Variants in PLEKHA8 observed in about 807,000 individuals in gnomAD.
The protein encoded by PLEKHA8 is pleckstrin homology domain containing A8, also known as pleckstrin homology domain-containing family A member 8.
PLEKHA8 carries 36 observed loss-of-function variants against 68.2 expected under a neutral mutation model. That is an observed-to-expected ratio of 0.53 (90% CI 0.40 to 0.70). The LOEUF (loss-of-function observed/expected upper bound fraction) is 0.70. Among genes scored for constraint, PLEKHA8 ranks in the 30% least tolerant of loss-of-function variants. PLEKHA8 has a pLI of 0.00. For synonymous variants in PLEKHA8, 211 were observed against 216.1 expected, an observed-to-expected ratio of 0.98 and a Z score of 0.20; for missense variants, 505 against 615.4, an observed-to-expected ratio of 0.82 and a Z score of 1.90.
At chr7:30,084,993 G>A (rs1795122536), downstream of PLEKHA8, among the ~76,000 whole-genome samples, 1 of 149,938 alleles carries the variant, frequency 6.7e-6, no homozygotes. Context: ...TGCCCAGGCT[G>A]GAGTGCAATG....
At position 30,041,814 on chromosome 7, in the gene PLEKHA8, G is replaced by C. The variant is rs77871572; in HGVS notation, c.41-3271G>C. Among the ~76,000 whole-genome samples, 8 of 152,072 alleles carry C rather than the reference G, an allele frequency of 5.3e-5. No homozygotes were observed. The East Asian group carries it at 1.5e-3, about 29-fold the overall frequency. ...TTTAGTACATTTTTTTCAGTTTTAG[G>C]ACACTCTTTTTTTTTCACATTTCAA... On this transcript the variant is annotated intron_variant, in intron 1 of 13. Transcript: ENST00000449726.
chr7:30,061,740 A>G (rs1699632392), intron 10 of PLEKHA8, among the ~76,000 whole-genome samples, 157 bp from the exon 11 acceptor site: 1 of 152,224 alleles, frequency 6.6e-6, no homozygotes, highest in Non-Finnish European at 1.5e-5. Flanking sequence ...ATTCTCCAAA[A>G]CAAATACTAT....
At chr7:30,072,747 G>A (rs1794331239) in intron 12 of PLEKHA8, among the ~76,000 whole-genome samples, 1 of 152,180 alleles carries the variant, frequency 6.6e-6, no homozygotes, top group Non-Finnish European at 1.5e-5. Context: ...ACTTGTGCTG[G>A]TGCTAAAACT....
At chr7:30,048,621 G>A (rs1370421769) in intron 4 of PLEKHA8, among the ~76,000 whole-genome samples, 1 of 152,210 alleles carries the variant, frequency 6.6e-6, no homozygotes, top group Non-Finnish European at 1.5e-5. Flanking sequence ...ATTAACCAGA[G>A]TCTCTGCTCT....
intron 13 of PLEKHA8, among the ~76,000 whole-genome samples, chr7:30,115,672 A>G (rs571641903): frequency 2.0e-5 from 3 of 151,500 alleles, no homozygotes; most frequent in South Asian, 2.1e-4. Context: ...ATACGTGTAT[A>G]CATACGCACA....
At chr7:30,074,593 G>T (rs1583436005) in intron 13 of PLEKHA8, among the ~76,000 whole-genome samples, 2 of 151,262 alleles carry the variant, frequency 1.3e-5, no homozygotes, top group East Asian at 3.9e-4. Context: ...GAAGGGAAAT[G>T]ATGCATTCAG....
At chr7:30,129,675 T>C (rs745306321), downstream of PLEKHA8, 45 of 239,076 alleles carry the variant, frequency 1.9e-4, no homozygotes, top group Non-Finnish European at 3.4e-4. Context: ...ATTCATTGCA[T>C]CCCTCCCCCA....
intron 1 of PLEKHA8, among the ~76,000 whole-genome samples, chr7:30,032,196 T>G (rs1790719198): frequency 6.6e-6 from 1 of 152,184 alleles, no homozygotes; most frequent in South Asian, 2.1e-4. Flanking sequence ...TAAAATTTAG[T>G]CAAGGAGTAT....
downstream of PLEKHA8, among the ~76,000 whole-genome samples, chr7:30,094,716 C>T (rs2128007662): frequency 7.1e-6 from 1 of 141,534 alleles, no homozygotes; most frequent in African/African-American, 2.6e-5. Context: ...TGATGTTCCC[C>T]TTCCTGTGTC....
At chr7:30,069,816 A>G (rs751629779) in intron 12 of PLEKHA8, 3 of 152,168 alleles carry the variant, frequency 2.0e-5, no homozygotes, top group African/African-American at 4.8e-5. Context: ...TCTAAAAGGA[A>G]AAGAATTAGG....
chr7:30,127,320 C>G (rs562239306), intron 13 of PLEKHA8, among the ~76,000 whole-genome samples: 1 of 152,086 alleles, frequency 6.6e-6, no homozygotes, highest in Non-Finnish European at 1.5e-5. Flanking sequence ...CCCGTCAGGC[C>G]AGAAACTCAA....
At chr7:30,050,295 TA>T in intron 5 of PLEKHA8, 138 bp from the exon 6 acceptor site, 1 of 1,112,164 alleles carries the variant, frequency 9.0e-7, no homozygotes, top group Non-Finnish European at 1.2e-6. Flanking sequence ...TGGGAAGACC[TA>T]AAATTGTTTT....
chr7:30,057,232 G>A (rs527928319), intron 9 of PLEKHA8, among the ~76,000 whole-genome samples: 1 of 151,908 alleles, frequency 6.6e-6, no homozygotes, highest in Non-Finnish European at 1.5e-5. Context: ...ATTGATTTCT[G>A]TCACCATAGG....
chr7:30,037,563 A>G lies in PLEKHA8; in HGVS notation c.41-7522A>G, dbSNP rs1229816197. ...ATCTAAACTCCAGCTGAAATTTTGT[A>G]GAAAAGGAAACTAAAGCTGAAAGAA... On this transcript the variant is annotated intron_variant, in intron 1 of 13. Coordinates refer to ENST00000449726, the MANE Select transcript of PLEKHA8 (RefSeq NM_001197026.2). Among the ~76,000 whole-genome samples, 4 of 152,350 alleles carry G rather than the reference A, an allele frequency of 2.6e-5. No individual in the cohort carries two copies. In the East Asian group the frequency reaches 7.7e-4, roughly 29 times the overall value.
chr7:30,043,517 AT>A (rs1161048379), intron 1 of PLEKHA8, among the ~76,000 whole-genome samples: 2 of 152,178 alleles, frequency 1.3e-5, no homozygotes, highest in East Asian at 3.8e-4. Flanking sequence ...AAGTTCAGAT[AT>A]TATGGGAGAG....
chr7:30,091,224 G>A (rs1174099588), downstream of PLEKHA8, among the ~76,000 whole-genome samples: 3 of 150,656 alleles, frequency 2.0e-5, no homozygotes, highest in Non-Finnish European at 4.4e-5. Flanking sequence ...AGTGGATTAC[G>A]ATTATTTTTA....
rs765347799 is a variant in PLEKHA8, at chr7:30,046,208, A to C, written c.158-2A>C. On this transcript the variant is annotated splice_acceptor_variant, in intron 2 of 13. Transcript: ENST00000449726. LOFTEE classifies it high-confidence loss of function. ...TCTGATCTCCCTCTGTCTTGCTCCC[A>C]GTTCATTCTGTAGATAATACACGCA... 1.9e-6 allele frequency: 3 copies of C among 1,594,514 alleles called. No individual in the cohort carries two copies. Among genetic ancestry groups the C allele is most frequent in the Non-Finnish European group, 2.6e-6 (3 of 1,170,286 alleles).
At chr7:30,125,181 T>TA (rs1796753038) in intron 13 of PLEKHA8, among the ~76,000 whole-genome samples, 2 of 152,206 alleles carry the variant, frequency 1.3e-5, no homozygotes, top group Non-Finnish European at 2.9e-5. Context: ...TTTGATGTGT[T>TA]ACTATTGTAG....
Position 30,028,696 on chromosome 7 carries a change from T to G in PLEKHA8, c.-67T>G. On this transcript the variant is annotated 5_prime_UTR_variant, in exon 1 of 14. Coordinates refer to ENST00000449726, the MANE Select transcript of PLEKHA8 (RefSeq NM_001197026.2). ...CAGGCGATGGCCCTGCTGCTGGTGC[T>G]CCTCGCCTCTTGGGGCCTGGGGCAG... is the stretch of plus-strand genomic sequence containing the variant. 1 of 1,165,016 alleles carries G rather than the reference T, an allele frequency of 8.6e-7. No homozygotes were observed. Among genetic ancestry groups the G allele is most frequent in the Non-Finnish European group, 1.1e-6 (1 of 917,278 alleles). The allele number at this position is 1,165,016 out of a possible 1,614,324, so 72.2% of individuals were successfully genotyped here.
Sources: gnomAD v4.1 joint callset for allele counts (sites outside exome capture counted in the v4.1 genomes callset) on GRCh38, gnomAD v4.1.1 for gene constraint, MANE v1.5 for transcripts, NCBI Gene and HGNC (gene_info 2026-07-23, HGNC 2026-07-21) for gene names.